Variants in PHF14 observed in about 807,000 individuals in gnomAD.
PHF14 encodes the protein PHD finger protein 14.
Under a neutral mutation model 117.9 loss-of-function variants are expected in PHF14, and 55 were observed. The observed-to-expected ratio is 0.47, with a 90% CI of 0.38 to 0.58. The LOEUF is 0.58. PHF14 is among the 20% of genes least tolerant of loss of function. PHF14 has a pLI of 0.00. For missense variants in PHF14, 978 were observed against 1,122.2 expected (o/e 0.87, Z 1.84); for synonymous variants, 409 against 368.6 (o/e 1.11, Z -1.26).
chr7:11,074,131 C>G (rs6954256), intron 16 of PHF14, among the ~76,000 whole-genome samples: 1 of 152,094 alleles, frequency 6.6e-6, no homozygotes. Context: ...CTTTTTTAGT[C>G]ATGCTAATCA....
intron 4 of PHF14, among the ~76,000 whole-genome samples, chr7:11,001,004 T>C (rs1005489045): frequency 6.6e-6 from 1 of 151,940 alleles, no homozygotes; most frequent in African/African-American, 2.4e-5. Context: ...TTATAAATTT[T>C]CTTAATTAAA....
intron 16 of PHF14, among the ~76,000 whole-genome samples, chr7:11,100,855 T>G (rs578106390): frequency 6.6e-6 from 1 of 152,020 alleles, no homozygotes; most frequent in Non-Finnish European, 1.5e-5. Flanking sequence ...CGCACTACAC[T>G]GCTTTAGCAT....
intron 17 of PHF14, among the ~76,000 whole-genome samples, chr7:11,113,281 T>C (rs190592905): frequency 8.3e-4 from 127 of 152,270 alleles, no homozygotes; most frequent in African/African-American, 3.0e-3. Flanking sequence ...TATTTTAGAT[T>C]TGTTTGAAAC....
chr7:10,997,353 C>T (rs546527381), intron 4 of PHF14, among the ~76,000 whole-genome samples: 1 of 152,188 alleles, frequency 6.6e-6, no homozygotes, highest in South Asian at 2.1e-4. Context: ...AATGCAATTC[C>T]TGTGATGAGT....
Position 10,983,215 on chromosome 7 carries a change from A to C in PHF14, c.900+56A>C, listed in dbSNP as rs567678596. 7 of 1,532,450 alleles carry C rather than the reference A, an allele frequency of 4.6e-6. No homozygotes were observed. In the African/African-American group the frequency reaches 8.2e-5, roughly 18 times the overall value. The allele number at this position is 1,532,450 out of a possible 1,614,324, so 94.9% of individuals were successfully genotyped here. On this transcript the variant is annotated intron_variant, in intron 3 of 17. Coordinates refer to ENST00000634607, the MANE Select transcript of PHF14 (RefSeq NM_001007157.2). The stretch of plus-strand genomic sequence containing the variant: ...TCTGGGGAAAAGGGAATTCTTCTCT[A>C]AATCACTCTACACATTGTATTAAGT...
intron 13 of PHF14, among the ~76,000 whole-genome samples, chr7:11,046,434 T>C (rs1248876508): frequency 2.0e-5 from 3 of 152,202 alleles, no homozygotes; most frequent in African/African-American, 7.2e-5. Context: ...TTTTATTCCT[T>C]GGATATGTCT....
At chr7:11,152,107 G>A (rs10499381) in intron 17 of PHF14, among the ~76,000 whole-genome samples, 38,051 of 152,064 alleles carry the variant, frequency 0.25, 5,337 homozygotes, top group East Asian at 0.49. Flanking sequence ...AATTGCTTTT[G>A]ATCAGTACTG....
rs1279928288 is a variant in PHF14, at chr7:11,122,346, T to C, written c.2772+10879T>C. 9.3e-4 allele frequency among the ~76,000 whole-genome samples: 60 copies of C among 64,546 alleles called. 1 individual carries two copies. In the East Asian group the frequency reaches 0.032, roughly 34 times the overall value. 42.3% of individuals were successfully genotyped at this position (64,546 alleles called of 152,430 possible). A position where few individuals can be genotyped will look rare whatever the true frequency, so the allele number is the denominator to read the frequency against. The stretch of plus-strand genomic sequence containing the variant: ...TTTGTACTTTTTATATATATATATA[T>C]ATATATACACACACACACACACACA... On this transcript the variant is annotated intron_variant, in intron 17 of 17. Transcript: ENST00000634607.
intron 3 of PHF14, among the ~76,000 whole-genome samples, chr7:10,988,016 CAA>C (rs60714759): frequency 8.6e-6 from 1 of 115,610 alleles, no homozygotes. Flanking sequence ...AACTCCTTCT[CAA>C]AAAAAAAAAA....
chr7:11,068,793 G>A (rs1583432136), intron 16 of PHF14, among the ~76,000 whole-genome samples: 1 of 152,280 alleles, frequency 6.6e-6, no homozygotes. Flanking sequence ...GCAGGGAAAG[G>A]GGCTGGGGCA....
intron 14 of PHF14, among the ~76,000 whole-genome samples, chr7:11,057,070 TATTA>T (rs1785045806): frequency 6.6e-6 from 1 of 152,044 alleles, no homozygotes. Context: ...TTACTTTAAT[TATTA>T]ATTTGTATAA....
Position 10,982,404 on chromosome 7 carries a change from G to C in PHF14, c.145G>C (p.Ala49Pro). Residue 49 changes from alanine (A) to proline (P), a missense_variant, in exon 3 of 18, where the codon GCT (alanine) becomes CCT (proline). Physicochemically the swap from Ala to Pro is conservative, Grantham distance 27 (BLOSUM62 -1). Around this residue, in one of 7 missense-constraint regions of PHF14, gnomAD observed 414 missense variants for 376.4 expected, o/e 1.10. Coordinates refer to ENST00000634607, the MANE Select transcript of PHF14 (RefSeq NM_001007157.2). The stretch of plus-strand genomic sequence containing the variant: ...AGGGAGTGGTAATGGAAGTGAAGAT[G>C]CTTCAAAGGACAGTGGAGAAGGTTC... Reference protein sequence around the residue: ...SEGSGNGSEDASKDSGEGSCS... With the variant: ...SEGSGNGSEDPSKDSGEGSCS... The C allele has an allele frequency of 6.4e-7, 1 of 1,567,942 alleles. No individual in the cohort carries two copies. The highest frequency in any genetic ancestry group is 8.6e-7 in the Non-Finnish European group (1 of 1,165,130).
rs1201209098 is a variant in PHF14, at chr7:11,122,344, T to C, written c.2772+10877T>C. ...TGTTTGTACTTTTTATATATATATA[T>C]ATATATATACACACACACACACACA... On this transcript the variant is annotated intron_variant, in intron 17 of 17. Transcript: ENST00000634607. 7.4e-4 allele frequency among the ~76,000 whole-genome samples: 51 copies of C among 68,474 alleles called. 1 individual carries two copies. In the East Asian group the frequency reaches 0.026, roughly 35 times the overall value. 44.9% of individuals were successfully genotyped at this position (68,474 alleles called of 152,430 possible).
intron 6 of PHF14, among the ~76,000 whole-genome samples, chr7:11,028,003 C>G (rs1783983243): frequency 1.3e-5 from 2 of 152,072 alleles, no homozygotes; most frequent in African/African-American, 4.8e-5. Context: ...TTAATGATTA[C>G]ATATATTTAT....
intron 17 of PHF14, among the ~76,000 whole-genome samples, chr7:11,116,610 C>A (rs1184425728): frequency 2.0e-5 from 3 of 151,890 alleles, no homozygotes; most frequent in African/African-American, 4.8e-5. Flanking sequence ...TCTCTTATCA[C>A]CCTCTACTCC....
intron 17 of PHF14, among the ~76,000 whole-genome samples, chr7:11,133,199 A>G (rs927205374): frequency 6.6e-6 from 1 of 151,900 alleles, no homozygotes; most frequent in Non-Finnish European, 1.5e-5. Context: ...ATTTTGACAA[A>G]CTGATTCTCA....
rs111286363 is a variant in PHF14, at chr7:10,973,998, AT to A, written c.-318del. The A allele has an allele frequency of 4.1e-5, 12 of 291,856 alleles. No homozygotes were observed. Among genetic ancestry groups the A allele is most frequent in the South Asian group, 6.1e-5 (1 of 16,450 alleles). 18.1% of individuals were successfully genotyped at this position (291,856 alleles called of 1,614,324 possible). ...GGCTAATAAAGTTTTTCTTTCTTTA[AT>A]TTTTTTTCTTCTAGTTTTAACGGGA... is the stretch of plus-strand genomic sequence containing the variant. On this transcript the variant is annotated 5_prime_UTR_variant, in exon 1 of 18. Coordinates refer to ENST00000634607, the MANE Select transcript of PHF14 (RefSeq NM_001007157.2).
chr7:10,987,908 C>T (rs914039429), intron 3 of PHF14, among the ~76,000 whole-genome samples: 6 of 149,422 alleles, frequency 4.0e-5, no homozygotes, highest in East Asian at 2.0e-4. Context: ...CCCAGCTACT[C>T]GGGAGGCTGA....
intron 16 of PHF14, among the ~76,000 whole-genome samples, chr7:11,085,493 T>C (rs1281081603): frequency 1.3e-5 from 2 of 152,242 alleles, no homozygotes; most frequent in Admixed American, 6.5e-5. Context: ...GCAAAAATTA[T>C]TGTTTCTATT....
Sources: allele counts gnomAD v4.1 joint callset (sites outside exome capture counted in the v4.1 genomes callset), GRCh38; gene constraint gnomAD v4.1.1; regional missense constraint gnomAD v4.1.1; transcripts MANE v1.5; gene names NCBI Gene and HGNC (gene_info 2026-07-23, HGNC 2026-07-21).